The following SMOC2 variants were observed in gnomAD, a reference collection of about 807,000 sequenced individuals.
SMOC2 encodes the protein SPARC-related modular calcium-binding protein 2.
A neutral mutation model predicts 61.4 loss-of-function variants in SMOC2; 39 were observed. The observed-to-expected ratio is 0.64, with a 90% CI of 0.49 to 0.83. The LOEUF (loss-of-function observed/expected upper bound fraction) is 0.83. Among genes scored for constraint, SMOC2 ranks in the 40% least tolerant of loss-of-function variants. The probability of loss-of-function intolerance (pLI) is 0.00; values close to 1 mark genes in which losing one functional copy is unlikely to be tolerated. For synonymous variants in SMOC2, 247 were observed against 239.9 expected (o/e 1.03, Z -0.27); for missense variants, 556 against 592.9 (o/e 0.94, Z 0.65).
chr6:168,515,453 C>T (rs1351602736), intron 2 of SMOC2, among the ~76,000 whole-genome samples: 1 of 27,974 alleles, frequency 3.6e-5, no homozygotes, highest in Non-Finnish European at 1.9e-4. Flanking sequence ...GCTCCGTCCG[C>T]TTTCCGCTCC....
intron 2 of SMOC2, among the ~76,000 whole-genome samples, chr6:168,523,079 A>ATTTTTTTTTTTTT (rs1554287070): frequency 0.011 from 1,001 of 93,124 alleles, 267 homozygotes; most frequent in Middle Eastern, 0.018. Context: ...TTGTACAGTA[A>ATTTTTTTTTTTTT]TTTTTTTTTT....
intron 7 of SMOC2, among the ~76,000 whole-genome samples, chr6:168,583,366 A>G (rs1290331936): frequency 6.7e-6 from 1 of 150,004 alleles, no homozygotes; most frequent in Non-Finnish European, 1.5e-5. Flanking sequence ...TCCCAGCTCC[A>G]CTGGGCTCAG....
At chr6:168,458,631 T>A (rs1348792573) in intron 1 of SMOC2, among the ~76,000 whole-genome samples, 1 of 152,114 alleles carries the variant, frequency 6.6e-6, no homozygotes, top group Non-Finnish European at 1.5e-5. Context: ...AAACGAAGGC[T>A]CCCAGGGTCC....
At chr6:168,543,546 A>G in intron 4 of SMOC2, 79 bp from the exon 5 acceptor site, 1 of 1,304,612 alleles carries the variant, frequency 7.7e-7, no homozygotes, top group Non-Finnish European at 1.1e-6. Context: ...TGGAGCAAAA[A>G]TATGTGCATA....
intron 11 of SMOC2, 69 bp from the exon 12 acceptor site, chr6:168,664,005 A>G: frequency 7.4e-7 from 1 of 1,349,274 alleles, no homozygotes; most frequent in Non-Finnish European, 1.0e-6. Context: ...CCTTCCTGAA[A>G]TTGTGTTGAA....
At chr6:168,607,708 G>T (rs1439268192) in intron 8 of SMOC2, among the ~76,000 whole-genome samples, 3 of 152,084 alleles carry the variant, frequency 2.0e-5, no homozygotes, top group Non-Finnish European at 4.4e-5. Flanking sequence ...CCTTGGGCGG[G>T]GTGGGGGTAG....
intron 3 of SMOC2, 75 bp from the exon 4 acceptor site, chr6:168,527,553 C>A: frequency 1.9e-6 from 2 of 1,061,434 alleles, no homozygotes; most frequent in Non-Finnish European, 2.8e-6. Context: ...CCGCAGAAAG[C>A]AGAGTGGGCC....
At chr6:168,588,929 A>T (rs1391153786) in intron 7 of SMOC2, among the ~76,000 whole-genome samples, 2 of 150,718 alleles carry the variant, frequency 1.3e-5, no homozygotes, top group African/African-American at 4.9e-5. Flanking sequence ...AAATACAAAA[A>T]ATTAATTGGG....
At chr6:168,458,153 T>C (rs969166301) in intron 1 of SMOC2, among the ~76,000 whole-genome samples, 1 of 152,174 alleles carries the variant, frequency 6.6e-6, no homozygotes, top group African/African-American at 2.4e-5. Flanking sequence ...CTTCAGGGTG[T>C]GGGGACCGTT....
chr6:168,513,466 TACACACACACACATACATAC>T (rs1341381052), intron 2 of SMOC2, among the ~76,000 whole-genome samples: 270 of 16,060 alleles, frequency 0.017, no homozygotes, highest in South Asian at 0.12. Flanking sequence ...CACACACAAA[TACACACACACACATACATAC>T]ACACACACAC....
chr6:168,604,797 G>A (rs1785645366), intron 8 of SMOC2, among the ~76,000 whole-genome samples: 1 of 152,292 alleles, frequency 6.6e-6, no homozygotes, highest in African/African-American at 2.4e-5. Context: ...TCATCCCAAG[G>A]ACCACAAGTA....
chr6:168,667,204 C>T lies in SMOC2; in HGVS notation c.*766C>T, dbSNP rs1787682942. On this transcript the variant is annotated 3_prime_UTR_variant, in exon 13 of 13. Coordinates refer to ENST00000356284, the MANE Select transcript of SMOC2 (RefSeq NM_001166412.2). ...CCAGTCACAGTGCCTGGGAGGGGCCCATCCTTCCAAAATGTAAATCCAGTC... is the reference window on the plus strand; with the variant it reads ...CCAGTCACAGTGCCTGGGAGGGGCCTATCCTTCCAAAATGTAAATCCAGTC... The T allele has an allele frequency of 6.6e-6, 1 of 152,216 alleles. No individual in the cohort carries two copies. Among genetic ancestry groups the T allele is most frequent in the African/African-American group, 2.4e-5 (1 of 41,430 alleles). 9.4% of individuals were successfully genotyped at this position (152,216 alleles called of 1,614,324 possible).
At chr6:168,571,549 C>G (rs917989639) in intron 7 of SMOC2, among the ~76,000 whole-genome samples, 7 of 152,162 alleles carry the variant, frequency 4.6e-5, no homozygotes, top group African/African-American at 9.7e-5. Flanking sequence ...GTGTATGGTT[C>G]TGTTTAGACG....
chr6:168,596,808 C>T (rs1785346182), intron 7 of SMOC2, among the ~76,000 whole-genome samples: 1 of 152,240 alleles, frequency 6.6e-6, no homozygotes, highest in South Asian at 2.1e-4. Flanking sequence ...TTTACTATAA[C>T]CCAGAGGTAG....
chr6:168,562,999 C>T (rs1263981154), intron 7 of SMOC2, among the ~76,000 whole-genome samples: 3 of 152,220 alleles, frequency 2.0e-5, no homozygotes, highest in South Asian at 2.1e-4. Flanking sequence ...CTCCCCGGAA[C>T]GGGGGCTGGG....
intron 9 of SMOC2, among the ~76,000 whole-genome samples, chr6:168,632,895 G>C (rs1051181163): frequency 6.6e-6 from 1 of 152,170 alleles, no homozygotes; most frequent in African/African-American, 2.4e-5. Flanking sequence ...CAGAGATGGG[G>C]CTCCTGGGGA....
chr6:168,579,375 C>T (rs1259082290), intron 7 of SMOC2, among the ~76,000 whole-genome samples: 2 of 152,200 alleles, frequency 1.3e-5, no homozygotes, highest in Non-Finnish European at 2.9e-5. Context: ...GGATTGTCAG[C>T]GTCGCTTTTA....
intron 7 of SMOC2, among the ~76,000 whole-genome samples, chr6:168,564,151 C>T (rs952769071): frequency 4.6e-5 from 7 of 152,014 alleles, no homozygotes; most frequent in Non-Finnish European, 8.8e-5. Flanking sequence ...AGACAAAACA[C>T]GAAGTTTCTT....
At chr6:168,468,730 C>T (rs1781899920) in intron 1 of SMOC2, among the ~76,000 whole-genome samples, 2 of 152,078 alleles carry the variant, frequency 1.3e-5, no homozygotes, top group Non-Finnish European at 2.9e-5. Context: ...GACGGGGTTT[C>T]ACCATGTTGG....
Sources: allele counts gnomAD v4.1 joint callset (sites outside exome capture counted in the v4.1 genomes callset), GRCh38; gene constraint gnomAD v4.1.1; transcripts MANE v1.5; gene names NCBI Gene and HGNC (gene_info 2026-07-23, HGNC 2026-07-21).